Variants in PAK3 observed in about 807,000 individuals in gnomAD.
PAK3 encodes p21 (RAC1) activated kinase 3, also known as serine/threonine-protein kinase PAK 3.
Under a neutral mutation model 41.0 loss-of-function variants are expected in PAK3, and 4 were observed. The observed-to-expected ratio is 0.10, with a 90% CI of 0.05 to 0.22. The LOEUF is 0.22. PAK3 is among the 10% of genes least tolerant of loss of function. The pLI, the probability that PAK3 is intolerant of heterozygous loss-of-function variation, is 1.00. For missense variants in PAK3, 205 were observed against 409.9 expected (o/e 0.50, Z 4.32); for synonymous variants, 146 against 139.6 (o/e 1.05, Z -0.32).
At chrX:110,968,084 G>A (rs1168886347) in intron 1 of PAK3, among the ~76,000 whole-genome samples, 1 of 112,453 alleles carries the variant, frequency 8.9e-6, no homozygotes, top group Non-Finnish European at 1.9e-5. Flanking sequence ...AATATATTAT[G>A]TGACTTTTTG....
At chrX:111,087,167 GTGT>G (rs1569309593) in intron 1 of PAK3, among the ~76,000 whole-genome samples, 15 of 109,224 alleles carry the variant, frequency 1.4e-4, no homozygotes, top group African/African-American at 1.3e-4. Flanking sequence ...GTGTGTGTGT[GTGT>G]GGCAGGGTTT....
intron 1 of PAK3, among the ~76,000 whole-genome samples, chrX:110,974,721 G>A (rs974349044): frequency 1.9e-4 from 21 of 111,511 alleles, no homozygotes; most frequent in Admixed American, 9.5e-4. Flanking sequence ...ATAAAATACC[G>A]GCAAACCAAA....
At chrX:111,032,564 G>T (rs1180165909) in intron 1 of PAK3, among the ~76,000 whole-genome samples, 1 of 111,539 alleles carries the variant, frequency 9.0e-6, no homozygotes, top group Non-Finnish European at 1.9e-5. Flanking sequence ...TACTTGTTTA[G>T]ATCAAATAAA....
chrX:110,984,529 T>C (rs1015369216), intron 1 of PAK3, among the ~76,000 whole-genome samples: 15 of 111,464 alleles, frequency 1.3e-4, no homozygotes, highest in African/African-American at 4.9e-4. Flanking sequence ...GGGGGCAAAG[T>C]GTTGTTGATG....
chrX:111,027,225 A>T (rs914989679), intron 1 of PAK3, among the ~76,000 whole-genome samples: 3 of 2,741 alleles, frequency 1.1e-3, no homozygotes, highest in East Asian at 0.17. Context: ...ATTACATTTA[A>T]AAAAAAAAAA....
At chrX:111,026,154 C>A (rs1275671282) in intron 1 of PAK3, among the ~76,000 whole-genome samples, 1 of 111,511 alleles carries the variant, frequency 9.0e-6, no homozygotes, top group Admixed American at 9.5e-5. Flanking sequence ...AGGGACATAC[C>A]TTAAGGTAAT....
intron 1 of PAK3, among the ~76,000 whole-genome samples, chrX:111,048,338 A>G (rs1367305433): frequency 9.0e-6 from 1 of 110,797 alleles, no homozygotes; most frequent in Non-Finnish European, 1.9e-5. Context: ...ATTTAAAGTG[A>G]TTTTATCCAG....
At chrX:111,068,883 T>C (rs1220171312) in intron 1 of PAK3, among the ~76,000 whole-genome samples, 1 of 112,249 alleles carries the variant, frequency 8.9e-6, no homozygotes, top group Non-Finnish European at 1.9e-5. Flanking sequence ...TGCGTTGAGC[T>C]TGTGTAATGG....
At chrX:111,191,978 T>C (rs2094564523) in intron 11 of PAK3, 149 bp from the exon 12 acceptor site, 1 of 396,888 alleles carries the variant, frequency 2.5e-6, no homozygotes, top group Non-Finnish European at 4.6e-6. Flanking sequence ...ATCACAATAA[T>C]AATTTTTTTA....
At chrX:111,133,752 A>G (rs1349108321) in intron 5 of PAK3, among the ~76,000 whole-genome samples, 3 of 112,029 alleles carry the variant, frequency 2.7e-5, no homozygotes, top group Non-Finnish European at 5.6e-5. Flanking sequence ...AATGCTTTAT[A>G]TGATATTTTG....
At chrX:111,048,228 A>C (rs1209610919) in intron 1 of PAK3, among the ~76,000 whole-genome samples, 2 of 111,104 alleles carry the variant, frequency 1.8e-5, no homozygotes, top group African/African-American at 6.6e-5. Flanking sequence ...ATTCCTTCTC[A>C]GTCTCCTTTG....
At chrX:111,061,999 G>A (rs1603061896) in intron 1 of PAK3, among the ~76,000 whole-genome samples, 1 of 110,032 alleles carries the variant, frequency 9.1e-6, no homozygotes, top group Admixed American at 9.7e-5. Flanking sequence ...AATTTTTTTT[G>A]TAGAGACAGG....
chrX:111,216,805 GA>G (rs1278066412), intron 17 of PAK3: 14,125 of 252,716 alleles, frequency 0.056, no homozygotes, highest in Non-Finnish European at 0.069. Context: ...ATTTTGCAAG[GA>G]AAAAAAAAAA....
At position 111,220,461 on chromosome X, in the gene PAK3, A is replaced by G. The variant is rs2094919669; in HGVS notation, c.*14A>G. ...AGCAGCCGCTAAGACTGCAAGCCTT[A>G]CACCTCACCATCTCCCTCATGAGTA... On this transcript the variant is annotated 3_prime_UTR_variant, in exon 18 of 18. Coordinates refer to ENST00000372007, the MANE Select transcript of PAK3 (RefSeq NM_002578.5). 1 of 1,032,993 alleles carries G rather than the reference A, an allele frequency of 9.7e-7. No individual in the cohort carries two copies. The highest frequency in any genetic ancestry group is 1.4e-6 in the Non-Finnish European group (1 of 735,961). The allele number at this position is 1,032,993 out of a possible 1,213,427, so 85.1% of individuals were successfully genotyped here.
intron 1 of PAK3, among the ~76,000 whole-genome samples, chrX:111,054,839 C>T (rs73539031): frequency 0.046 from 5,160 of 111,393 alleles, 290 homozygotes; most frequent in African/African-American, 0.16. Context: ...TAAGGATCTC[C>T]GGGCCCCCTT....
chrX:111,052,804 A>T (rs2092570624), intron 1 of PAK3, among the ~76,000 whole-genome samples: 1 of 112,486 alleles, frequency 8.9e-6, no homozygotes, highest in Non-Finnish European at 1.9e-5. Flanking sequence ...GGAAGTGAAA[A>T]ATATTGTAAG....
Position 111,195,925 on chromosome X carries a change from T to C in PAK3, c.1194T>C (p.Asp398=). 8.9e-7 allele frequency: 1 copy of C among 1,128,470 alleles called. No homozygotes were observed. The highest frequency in any genetic ancestry group is 3.0e-5 in the East Asian group (1 of 33,503). The allele number at this position is 1,128,470 out of a possible 1,213,427, so 93.0% of individuals were successfully genotyped here. A position where few individuals can be genotyped will look rare whatever the true frequency, so the allele number is the denominator to read the frequency against. The stretch of plus-strand genomic sequence containing the variant: ...GTGACAATATTCTTCTCGGGATGGA[T>C]GGCTCTGTTAAATTGAGTAGGTATT... ...IKSDNILLGM[D]GSVKLTDFGF... is the part of the protein sequence containing the mutation. Residue 398 remains aspartate, a synonymous_variant, in exon 15 of 18, where the codon GAT becomes GAC. Coordinates refer to ENST00000372007, the MANE Select transcript of PAK3 (RefSeq NM_002578.5).
intron 1 of PAK3, among the ~76,000 whole-genome samples, chrX:111,013,399 C>G (rs1228625810): frequency 9.0e-6 from 1 of 111,047 alleles, no homozygotes; most frequent in African/African-American, 3.3e-5. Flanking sequence ...AACATGAGAC[C>G]CTAATTCCAT....
intron 4 of PAK3, among the ~76,000 whole-genome samples, chrX:111,103,989 C>T (rs747678297): frequency 1.8e-5 from 2 of 112,177 alleles, no homozygotes; most frequent in Admixed American, 1.9e-4. Flanking sequence ...ATTGTAAGCT[C>T]TTCAAGGGCA....
Sources: allele counts gnomAD v4.1 joint callset (sites outside exome capture counted in the v4.1 genomes callset), GRCh38; gene constraint gnomAD v4.1.1; transcripts MANE v1.5; gene names NCBI Gene and HGNC (gene_info 2026-07-23, HGNC 2026-07-21).